The following PTGR3 variants were observed in gnomAD, a reference collection of about 807,000 sequenced individuals.
PTGR3 encodes the protein prostaglandin reductase 3, also known as zinc binding alcohol dehydrogenase domain containing 2.
At chr18:75,202,656 A>G in the PTGR3 span, among the ~76,000 whole-genome samples, 1 of 149,526 alleles carries the variant, frequency 6.7e-6, no homozygotes, top group South Asian at 2.1e-4. Context: ...TTTCAAAAGT[A>G]GAAATAAGCA....
At chr18:75,196,548 C>T in the PTGR3 span, 1 of 144,318 alleles carries the variant, frequency 6.9e-6, no homozygotes, top group Non-Finnish European at 1.5e-5. Context: ...GGGAGGATGG[C>T]TTGAACCAGG....
the PTGR3 span, among the ~76,000 whole-genome samples, chr18:75,204,598 T>G: frequency 2.0e-5 from 3 of 152,142 alleles, no homozygotes; most frequent in Non-Finnish European, 2.9e-5. Flanking sequence ...AAGTGCCCGC[T>G]GCAGCCCTCA....
the PTGR3 span, chr18:75,205,488 G>C: frequency 4.1e-6 from 4 of 985,294 alleles, no homozygotes; most frequent in South Asian, 1.4e-4. Flanking sequence ...AAAAAGAATA[G>C]GACCGGCGCA....
chr18:75,209,129 G>GGCTGT, the PTGR3 span: 134 of 1,288,922 alleles, frequency 1.0e-4, 1 homozygote, highest in South Asian at 1.3e-3. The surrounding 1 kb of genome is among the most constrained non-coding windows in gnomAD (Gnocchi z 4.7). Flanking sequence ...CGCTCGGCTC[G>GGCTGT]GCTGTGCTCT....
the PTGR3 span, chr18:75,208,818 G>T: frequency 7.7e-6 from 11 of 1,433,480 alleles, no homozygotes; most frequent in Non-Finnish European, 1.0e-5. Flanking sequence ...GGGCGAGAAC[G>T]GGGGCGTGGG....
chr18:75,208,824 G>C, the PTGR3 span: 56 of 1,451,346 alleles, frequency 3.9e-5, no homozygotes, highest in Admixed American at 9.8e-5. Flanking sequence ...GAACGGGGGC[G>C]TGGGGTTGGG....
chr18:75,202,400 C>G, the PTGR3 span: 1 of 1,515,692 alleles, frequency 6.6e-7, no homozygotes, highest in Non-Finnish European at 8.9e-7. Context: ...CATTTAGATT[C>G]TGCTTAGAGA....
the PTGR3 span, chr18:75,209,058 T>A: frequency 1.3e-6 from 2 of 1,536,712 alleles, no homozygotes; most frequent in Admixed American, 2.0e-5. The surrounding 1 kb of genome is among the most constrained non-coding windows in gnomAD (Gnocchi z 4.7). Flanking sequence ...AGCCGCAGCA[T>A]GGCCTGCGCC....
the PTGR3 span, chr18:75,199,681 A>G: frequency 6.6e-6 from 1 of 152,484 alleles, no homozygotes; most frequent in Non-Finnish European, 1.5e-5. Flanking sequence ...TGCACCAGTA[A>G]CCCTTTGCTA....
At chr18:75,198,015 T>C in the PTGR3 span, 1 of 152,220 alleles carries the variant, frequency 6.6e-6, no homozygotes, top group Admixed American at 6.5e-5. Context: ...AAAGATATTT[T>C]CAGTGCTTAG....
chr18:75,208,873 G>T, the PTGR3 span: 2 of 1,530,494 alleles, frequency 1.3e-6, no homozygotes, highest in Non-Finnish European at 1.8e-6. Flanking sequence ...GGAGGTCTCC[G>T]TCCCCGGGGA....
At chr18:75,202,190 A>G in the PTGR3 span, 1 of 1,614,168 alleles carries the variant, frequency 6.2e-7, no homozygotes, top group Non-Finnish European at 8.5e-7. Flanking sequence ...TGTAAGCCAC[A>G]GCTTGGCCAA....
At chr18:75,196,949 C>A in the PTGR3 span, 2 of 152,120 alleles carry the variant, frequency 1.3e-5, no homozygotes, top group African/African-American at 4.8e-5. Flanking sequence ...TGAAATAGGT[C>A]CTTTTTTGAC....
chr18:75,198,661 G>A, the PTGR3 span: 3 of 152,076 alleles, frequency 2.0e-5, no homozygotes, highest in African/African-American at 7.2e-5. Flanking sequence ...ATAACCAAAT[G>A]GTAACAGATC....
At chr18:75,195,468 G>A in the PTGR3 span, 2 of 152,194 alleles carry the variant, frequency 1.3e-5, no homozygotes, top group Non-Finnish European at 2.9e-5. Context: ...CGGATGGGAG[G>A]GCATTGGCCA....
the PTGR3 span, among the ~76,000 whole-genome samples, chr18:75,204,129 A>G: frequency 3.1e-4 from 47 of 152,232 alleles, no homozygotes; most frequent in Non-Finnish European, 1.3e-4. Context: ...CAAAGGCAGT[A>G]GCCGCTCCTC....
the PTGR3 span, among the ~76,000 whole-genome samples, chr18:75,204,168 C>G: frequency 2.0e-5 from 3 of 152,266 alleles, no homozygotes; most frequent in Non-Finnish European, 4.4e-5. Flanking sequence ...TGGGGGGACA[C>G]CCGGGCGGCC....
the PTGR3 span, chr18:75,196,441 TAC>T: frequency 6.6e-6 from 1 of 151,890 alleles, no homozygotes; most frequent in South Asian, 2.1e-4. Flanking sequence ...CAGCCTGGGC[TAC>T]ATAGTAGAAC....
the PTGR3 span, among the ~76,000 whole-genome samples, chr18:75,203,811 T>G: frequency 6.6e-6 from 1 of 152,190 alleles, no homozygotes; most frequent in African/African-American, 2.4e-5. Context: ...TCCTTTAAAT[T>G]TACATAATTC....
Sources: gnomAD v4.1 joint callset for allele counts (sites outside exome capture counted in the v4.1 genomes callset) on GRCh38, gnomAD v4.1.1 for gene constraint, Gnocchi (gnomAD v3.1) non-coding constraint, MANE v1.5 for transcripts, NCBI Gene and HGNC (gene_info 2026-07-23, HGNC 2026-07-21) for gene names.